ASIC2: variants seen among roughly 807,000 people sequenced by gnomAD.
ASIC2 encodes acid sensing ion channel subunit 2.
A neutral mutation model predicts 57.3 loss-of-function variants in ASIC2; 25 were observed. That is an observed-to-expected ratio of 0.44 (90% CI 0.32 to 0.61). The LOEUF is 0.61. ASIC2 is among the 20% of genes least tolerant of loss of function. The pLI is 0.06. For missense variants in ASIC2, 641 were observed against 738.1 expected, an observed-to-expected ratio of 0.87 and a Z score of 1.52; for synonymous variants, 319 against 307.5, an observed-to-expected ratio of 1.04 and a Z score of -0.39.
At chr17:33,617,710 AC>A (rs1263927732) in intron 1 of ASIC2, among the ~76,000 whole-genome samples, 1 of 152,236 alleles carries the variant, frequency 6.6e-6, no homozygotes, top group African/African-American at 2.4e-5. Flanking sequence ...AATAAATGGT[AC>A]TTGCATAATT....
chr17:33,292,780 AC>A lies in ASIC2; in HGVS notation c.-666del. 1 of 985,652 alleles carries A rather than the reference AC, an allele frequency of 1.0e-6. No homozygotes were observed. The highest frequency in any genetic ancestry group is 1.7e-5 in the African/African-American group (1 of 57,242). The allele number at this position is 985,652 out of a possible 1,614,324, so 61.1% of individuals were successfully genotyped here. On this transcript the variant is annotated 5_prime_UTR_variant, in exon 1 of 10. Coordinates refer to ENST00000225823, the MANE Select transcript of ASIC2 (RefSeq NM_183377.2). The stretch of plus-strand genomic sequence containing the variant: ...CGCCTTCTTTCCCTTCCCCTCCAGG[AC>A]CCTTCCTTGTTACTGCTCCCTGGGC...
chr17:33,095,466 G>A (rs58508273), intron 2 of ASIC2, among the ~76,000 whole-genome samples: 52,055 of 152,134 alleles, frequency 0.34, 9,690 homozygotes, highest in East Asian at 0.45. Flanking sequence ...CATGCAGTAG[G>A]AACTCAAAAA....
intron 1 of ASIC2, among the ~76,000 whole-genome samples, chr17:33,598,122 C>A (rs1302156692): frequency 2.5e-4 from 38 of 152,186 alleles, no homozygotes; most frequent in Admixed American, 2.5e-3. Flanking sequence ...TCAATAGACA[C>A]CTTCACATAC....
At chr17:33,152,996 G>A (rs1052385080) in intron 1 of ASIC2, among the ~76,000 whole-genome samples, 1 of 152,146 alleles carries the variant, frequency 6.6e-6, no homozygotes, top group Non-Finnish European at 1.5e-5. Context: ...CCTGTGGCTT[G>A]GATGGCTGCA....
chr17:33,970,499 A>C (rs1331928045), intron 1 of ASIC2, among the ~76,000 whole-genome samples: 4 of 152,198 alleles, frequency 2.6e-5, no homozygotes, highest in Admixed American at 2.6e-4. Context: ...AGAGGAAGTT[A>C]AGCAGCAGCC....
chr17:33,054,616 T>G (rs1030684233), intron 3 of ASIC2, among the ~76,000 whole-genome samples: 1 of 152,236 alleles, frequency 6.6e-6, no homozygotes, highest in Non-Finnish European at 1.5e-5. Flanking sequence ...AGAGAGAATT[T>G]ATCATTAGAG....
chr17:33,595,589 C>T (rs1253713119), intron 1 of ASIC2, among the ~76,000 whole-genome samples: 2 of 152,204 alleles, frequency 1.3e-5, no homozygotes, highest in Non-Finnish European at 2.9e-5. Context: ...TCTATTGTGT[C>T]ACAGAGATGA....
chr17:33,978,790 G>A (rs372951392), intron 1 of ASIC2, among the ~76,000 whole-genome samples: 16 of 152,250 alleles, frequency 1.1e-4, no homozygotes, highest in African/African-American at 3.4e-4. Flanking sequence ...GGAAGGGCCT[G>A]GGGTGTCAAA....
chr17:33,663,278 G>T (rs929504963), intron 1 of ASIC2, among the ~76,000 whole-genome samples: 6 of 152,146 alleles, frequency 3.9e-5, no homozygotes, highest in Non-Finnish European at 8.8e-5. Flanking sequence ...CAAAATCCTT[G>T]CCCTTTTGCC....
At chr17:34,094,152 A>G (rs779430368) in intron 1 of ASIC2, among the ~76,000 whole-genome samples, 15 of 152,204 alleles carry the variant, frequency 9.9e-5, no homozygotes, top group Non-Finnish European at 1.8e-4. Context: ...GATGCAGACA[A>G]GGGAAACCAG....
At chr17:33,565,873 C>T (rs576284307) in intron 1 of ASIC2, 2 of 152,452 alleles carry the variant, frequency 1.3e-5, no homozygotes, top group East Asian at 3.8e-4. Context: ...ACTGAGGTTT[C>T]CTGATTCCTG....
At chr17:34,131,001 T>C (rs1393245668) in intron 1 of ASIC2, among the ~76,000 whole-genome samples, 1 of 151,974 alleles carries the variant, frequency 6.6e-6, no homozygotes, top group East Asian at 1.9e-4. Context: ...GCATTGGAGA[T>C]GGACATTAGC....
chr17:33,319,750 T>A (rs1010610774), intron 1 of ASIC2, among the ~76,000 whole-genome samples: 2 of 152,188 alleles, frequency 1.3e-5, no homozygotes, highest in East Asian at 1.9e-4. Flanking sequence ...CCGTAGCTAG[T>A]CTTGAACTTC....
chr17:33,467,340 C>T (rs1504570), intron 1 of ASIC2, among the ~76,000 whole-genome samples: 1 of 152,108 alleles, frequency 6.6e-6, no homozygotes, highest in African/African-American at 2.4e-5. Context: ...GCTTTAAAAG[C>T]TGAGAAAATT....
rs567887783 is a variant in ASIC2 at position 34,136,996 on chromosome 17, T to C, written c.555+18982A>G. On this transcript the variant is annotated intron_variant, in intron 1 of 9. Transcript: ENST00000359872. Reference sequence around the variant, plus strand: ...CACCTGCTCTTTTCACTTGTTATATTCTACTCCTTTTGAAGGCAGAGCTAA... The same window carrying C: ...CACCTGCTCTTTTCACTTGTTATATCCTACTCCTTTTGAAGGCAGAGCTAA... Among the ~76,000 whole-genome samples the C allele has an allele frequency of 3.3e-5, 5 of 152,356 alleles. No individual in the cohort carries two copies. In the East Asian group the frequency reaches 9.6e-4, roughly 29 times the overall value.
At chr17:33,592,307 C>T (rs6505361) in intron 1 of ASIC2, among the ~76,000 whole-genome samples, 2 of 152,252 alleles carry the variant, frequency 1.3e-5, no homozygotes, top group East Asian at 3.9e-4. Context: ...ATCATCTGTC[C>T]GATGGTTAAC....
intron 1 of ASIC2, among the ~76,000 whole-genome samples, chr17:33,469,284 G>A (rs1323362924): frequency 6.6e-6 from 1 of 152,190 alleles, no homozygotes. Flanking sequence ...GCTTAGGCTA[G>A]GCGGGCTGTG....
chr17:33,198,226 A>C (rs1906715593), intron 1 of ASIC2, among the ~76,000 whole-genome samples: 1 of 152,120 alleles, frequency 6.6e-6, no homozygotes, highest in Non-Finnish European at 1.5e-5. Flanking sequence ...AGGGGCATGC[A>C]CCTGTAGTCC....
At chr17:34,125,261 T>C (rs1444821177) in intron 1 of ASIC2, among the ~76,000 whole-genome samples, 3 of 152,024 alleles carry the variant, frequency 2.0e-5, no homozygotes, top group African/African-American at 7.2e-5. Context: ...TTGTCATTAG[T>C]TTATCCCAGG....
Sources: allele counts gnomAD v4.1 joint callset (sites outside exome capture counted in the v4.1 genomes callset), GRCh38; gene constraint gnomAD v4.1.1; transcripts MANE v1.5; gene names NCBI Gene and HGNC (gene_info 2026-07-23, HGNC 2026-07-21).